Variants in CLSTN2 observed in about 807,000 individuals in gnomAD.
CLSTN2 encodes the protein calsyntenin-2.
In CLSTN2, 48 loss-of-function variants were observed where a neutral mutation model predicts 101.2. The observed-to-expected ratio is 0.47, with a 90% CI of 0.38 to 0.60. The LOEUF (loss-of-function observed/expected upper bound fraction) is 0.60. Among genes scored for constraint, CLSTN2 ranks in the 20% least tolerant of loss-of-function variants. The pLI is 0.00. For missense variants in CLSTN2, 1,160 were observed against 1,238.2 expected (o/e 0.94, Z 0.95); for synonymous variants, 481 against 463.6 (o/e 1.04, Z -0.48).
chr3:140,110,854 T>C (rs890462792), intron 1 of CLSTN2, among the ~76,000 whole-genome samples: 1 of 152,162 alleles, frequency 6.6e-6, no homozygotes, highest in Non-Finnish European at 1.5e-5. Flanking sequence ...TCTTTCCTCA[T>C]AGCCCCTAGA....
intron 2 of CLSTN2, among the ~76,000 whole-genome samples, chr3:140,320,870 G>A (rs544235399): frequency 6.6e-6 from 1 of 152,180 alleles, no homozygotes; most frequent in East Asian, 1.9e-4. Flanking sequence ...CAGAAGACAA[G>A]GCAAGTCTCT....
intron 1 of CLSTN2, among the ~76,000 whole-genome samples, chr3:140,090,243 T>A (rs2008755225): frequency 6.6e-6 from 1 of 151,702 alleles, no homozygotes; most frequent in African/African-American, 2.4e-5. Context: ...ATGTTTCTGG[T>A]TGGAGATGTT....
chr3:140,557,806 A>G (rs1935828864), intron 11 of CLSTN2, among the ~76,000 whole-genome samples: 1 of 152,196 alleles, frequency 6.6e-6, no homozygotes, highest in Admixed American at 6.5e-5. Flanking sequence ...CTACATCTAG[A>G]TGACCAGGGG....
intron 2 of CLSTN2, among the ~76,000 whole-genome samples, chr3:140,360,559 G>A (rs566526996): frequency 1.3e-5 from 2 of 152,262 alleles, no homozygotes; most frequent in East Asian, 1.9e-4. Context: ...AGAACGTGCT[G>A]TGCAACCAGA....
intron 1 of CLSTN2, among the ~76,000 whole-genome samples, chr3:140,127,805 G>C (rs1303204767): frequency 6.6e-6 from 1 of 152,090 alleles, no homozygotes; most frequent in African/African-American, 2.4e-5. Context: ...AACAGGGCTG[G>C]GAAAAGAATA....
At chr3:140,022,114 G>C (rs564519288) in intron 1 of CLSTN2, among the ~76,000 whole-genome samples, 1 of 152,342 alleles carries the variant, frequency 6.6e-6, no homozygotes, top group South Asian at 2.1e-4. Context: ...GGAATGGGGA[G>C]TGGCCTTGGC....
chr3:140,004,170 C>T (rs996772913), intron 1 of CLSTN2, among the ~76,000 whole-genome samples: 3 of 152,184 alleles, frequency 2.0e-5, no homozygotes, highest in South Asian at 2.1e-4. Flanking sequence ...TTTCCATAGC[C>T]AGGTAGCCTT....
intron 8 of CLSTN2, among the ~76,000 whole-genome samples, chr3:140,476,654 C>CTTTTTTT (rs564731249): frequency 8.0e-6 from 1 of 124,632 alleles, no homozygotes; most frequent in Admixed American, 8.8e-5. Flanking sequence ...GTTTTAGCAT[C>CTTTTTTT]TTTTTTTTTT....
intron 8 of CLSTN2, among the ~76,000 whole-genome samples, chr3:140,530,095 A>G (rs1294373927): frequency 6.6e-6 from 1 of 152,242 alleles, no homozygotes; most frequent in Non-Finnish European, 1.5e-5. Flanking sequence ...TCCTAAGGAT[A>G]TAATCAGAAA....
chr3:140,083,020 C>G (rs923369620), intron 1 of CLSTN2, among the ~76,000 whole-genome samples: 1 of 152,208 alleles, frequency 6.6e-6, no homozygotes, highest in Non-Finnish European at 1.5e-5. Flanking sequence ...GAAAATCTAC[C>G]TTATCCCTTC....
chr3:140,479,793 T>G (rs1034464317), intron 8 of CLSTN2, among the ~76,000 whole-genome samples: 2 of 152,042 alleles, frequency 1.3e-5, no homozygotes, highest in Non-Finnish European at 2.9e-5. Context: ...CATTAAATAA[T>G]TAATTGAAGA....
rs536944003 is a variant in CLSTN2, at chr3:140,272,646, G to A, written c.232+96573G>A. Among the ~76,000 whole-genome samples, 3 of 152,266 alleles carry A rather than the reference G, an allele frequency of 2.0e-5. No individual in the cohort carries two copies. The East Asian group carries it at 5.8e-4, about 29-fold the overall frequency. ...GCACACCTGTTATCCCAGCTATTTG[G>A]GAGGCTGAGGCAGGAGAATCACTTG... On this transcript the variant is annotated intron_variant, in intron 2 of 16. Transcript: ENST00000458420.
chr3:140,083,237 T>C lies in CLSTN2; in HGVS notation c.110-92714T>C, dbSNP rs191964330. 2.6e-3 allele frequency among the ~76,000 whole-genome samples: 356 copies of C among 135,614 alleles called. 1 individual carries two copies. Among genetic ancestry groups the C allele is most frequent in the Non-Finnish European group, 4.6e-3 (285 of 61,510 alleles). The allele number at this position is 135,614 out of a possible 152,430, so 89.0% of individuals were successfully genotyped here. A position where few individuals can be genotyped will look rare whatever the true frequency, so the allele number is the denominator to read the frequency against. ...CAAGACTGTAAGCTCTATGATCTAATTTTTTCACCACTCTGTGCCCAGTGC... is the reference window on the plus strand; with the variant it reads ...CAAGACTGTAAGCTCTATGATCTAACTTTTTCACCACTCTGTGCCCAGTGC... On this transcript the variant is annotated intron_variant, in intron 1 of 16. Coordinates refer to ENST00000458420, the MANE Select transcript of CLSTN2 (RefSeq NM_022131.3).
intron 1 of CLSTN2, among the ~76,000 whole-genome samples, chr3:140,160,291 C>T (rs1378994940): frequency 6.6e-6 from 1 of 151,964 alleles, no homozygotes; most frequent in Non-Finnish European, 1.5e-5. Flanking sequence ...AAAACACTAC[C>T]AAAGACATGA....
intron 2 of CLSTN2, among the ~76,000 whole-genome samples, chr3:140,179,248 T>G (rs1559799638): frequency 6.6e-6 from 1 of 151,940 alleles, no homozygotes; most frequent in Non-Finnish European, 1.5e-5. Context: ...ATGAGGTATA[T>G]GTTTTCACAA....
chr3:140,053,623 G>A (rs114488509), intron 1 of CLSTN2, among the ~76,000 whole-genome samples: 4,922 of 152,266 alleles, frequency 0.032, 288 homozygotes, highest in African/African-American at 0.11. Context: ...ACGTTTGACT[G>A]TCTGCTCTCT....
chr3:140,354,690 C>G (rs2087648903), intron 2 of CLSTN2, among the ~76,000 whole-genome samples: 1 of 152,124 alleles, frequency 6.6e-6, no homozygotes, highest in South Asian at 2.1e-4. Context: ...TGGAGTGAGC[C>G]TGGCTGAATT....
At chr3:140,533,277 T>C (rs1239820533) in intron 9 of CLSTN2, among the ~76,000 whole-genome samples, 2 of 152,192 alleles carry the variant, frequency 1.3e-5, no homozygotes, top group African/African-American at 2.4e-5. Context: ...CAGAAGGATA[T>C]GAAAATGCTC....
At position 140,473,632 on chromosome 3, in the gene CLSTN2, G is replaced by A. The variant is rs187430679; in HGVS notation, c.1344+6901G>A. ...GGAAGGAAACGGATCCTCCAGTACA[G>A]CCTTCAGAAGGGATGTGGCCCTGCT... On this transcript the variant is annotated intron_variant, in intron 8 of 16. Transcript: ENST00000458420. Among the ~76,000 whole-genome samples the A allele has an allele frequency of 1.2e-4, 18 of 152,252 alleles. No individual in the cohort carries two copies. The East Asian group carries it at 3.5e-3, about 29-fold the overall frequency.
Sources: gnomAD v4.1 joint callset for allele counts (sites outside exome capture counted in the v4.1 genomes callset) on GRCh38, gnomAD v4.1.1 for gene constraint, MANE v1.5 for transcripts, NCBI Gene and HGNC (gene_info 2026-07-23, HGNC 2026-07-21) for gene names.